Variants in ATF6 observed in about 807,000 individuals in gnomAD.
The protein encoded by ATF6 is activating transcription factor 6.
In ATF6, 53 loss-of-function variants were observed where a neutral mutation model predicts 83.6. That is an observed-to-expected ratio of 0.63 (90% CI 0.51 to 0.80). ATF6 has a LOEUF of 0.80. ATF6 is among the 30% of genes least tolerant of loss of function. ATF6 has a pLI of 0.00. For missense variants in ATF6, 744 were observed against 797.9 expected, an observed-to-expected ratio of 0.93 and a Z score of 0.81; for synonymous variants, 288 against 285.8, an observed-to-expected ratio of 1.01 and a Z score of -0.08.
intron 7 of ATF6, among the ~76,000 whole-genome samples, chr1:161,813,367 G>A (rs767090040): frequency 2.0e-5 from 3 of 152,074 alleles, no homozygotes; most frequent in Admixed American, 6.5e-5. Context: ...GTGCTATGTC[G>A]TTGTGCCAAT....
At chr1:161,802,000 C>G in intron 6 of ATF6, 52 bp from the exon 7 acceptor site, 1 of 1,575,652 alleles carries the variant, frequency 6.3e-7, no homozygotes, top group Non-Finnish European at 8.7e-7. Context: ...AGCTGCTTCC[C>G]CTGCCACAGT....
At chr1:161,824,866 G>A (rs893060168) in intron 9 of ATF6, among the ~76,000 whole-genome samples, 8 of 152,110 alleles carry the variant, frequency 5.3e-5, no homozygotes, top group African/African-American at 1.7e-4. Context: ...GTACAGTCTA[G>A]TAAGAGAATC....
chr1:161,835,987 C>T (rs1686203220), intron 9 of ATF6, among the ~76,000 whole-genome samples: 1 of 152,174 alleles, frequency 6.6e-6, no homozygotes. Context: ...CTCACTAGGT[C>T]TGGAATCTTT....
chr1:161,770,517 A>C (rs1465344333), intron 1 of ATF6, among the ~76,000 whole-genome samples: 1 of 152,166 alleles, frequency 6.6e-6, no homozygotes, highest in Non-Finnish European at 1.5e-5. Flanking sequence ...TTGTGTCCTC[A>C]CATGGCACTG....
At chr1:161,893,144 G>A (rs1687593636) in intron 14 of ATF6, among the ~76,000 whole-genome samples, 1 of 151,904 alleles carries the variant, frequency 6.6e-6, no homozygotes, top group Admixed American at 6.6e-5. Flanking sequence ...CTGGTTTAGC[G>A]GAAACTTTAT....
At chr1:161,862,575 T>C (rs1027985650) in intron 13 of ATF6, among the ~76,000 whole-genome samples, 3 of 151,838 alleles carry the variant, frequency 2.0e-5, no homozygotes, top group African/African-American at 7.3e-5. Flanking sequence ...GTGACTCCTA[T>C]GGGACAGGAT....
intron 15 of ATF6, among the ~76,000 whole-genome samples, chr1:161,942,003 T>G (rs958054768): frequency 4.7e-4 from 72 of 152,152 alleles, no homozygotes; most frequent in Non-Finnish European, 1.6e-4. Context: ...GTTTGTTTGT[T>G]TTTTGCACTA....
intron 14 of ATF6, among the ~76,000 whole-genome samples, chr1:161,894,227 GTTTTTT>G (rs11304307): frequency 1.6e-5 from 2 of 124,026 alleles, no homozygotes; most frequent in Admixed American, 1.6e-4. Context: ...TTGAGCAGGT[GTTTTTT>G]TTTTTTTTTT....
intron 14 of ATF6, among the ~76,000 whole-genome samples, chr1:161,896,126 A>C (rs527830528): frequency 6.6e-6 from 1 of 152,298 alleles, no homozygotes; most frequent in Admixed American, 6.5e-5. Context: ...CGATAGATAG[A>C]TGTATTTGTC....
At chr1:161,925,045 A>T (rs1378111122) in intron 15 of ATF6, among the ~76,000 whole-genome samples, 1 of 152,218 alleles carries the variant, frequency 6.6e-6, no homozygotes, top group African/African-American at 2.4e-5. Context: ...ACAGGATTAT[A>T]TATAAATATA....
intron 15 of ATF6, among the ~76,000 whole-genome samples, chr1:161,934,921 A>G (rs1199070953): frequency 6.6e-6 from 1 of 152,156 alleles, no homozygotes; most frequent in Non-Finnish European, 1.5e-5. Flanking sequence ...CCAAAACAGA[A>G]TTACTTCTCT....
chr1:161,865,603 C>G (rs1686980045), intron 14 of ATF6, among the ~76,000 whole-genome samples: 1 of 152,108 alleles, frequency 6.6e-6, no homozygotes, highest in Non-Finnish European at 1.5e-5. Context: ...TTATTGATTT[C>G]CACTCCTCCC....
chr1:161,868,166 T>A (rs1687048566), intron 14 of ATF6, among the ~76,000 whole-genome samples: 1 of 152,216 alleles, frequency 6.6e-6, no homozygotes, highest in Non-Finnish European at 1.5e-5. Context: ...CTTTAGTCTT[T>A]TTTTTACACT....
At chr1:161,791,084 C>CTGTG (rs1186497785) in intron 4 of ATF6, among the ~76,000 whole-genome samples, 13 of 67,680 alleles carry the variant, frequency 1.9e-4, no homozygotes, top group African/African-American at 1.9e-4. Context: ...GTGTGTGTGT[C>CTGTG]TCTGTGTGTG....
intron 7 of ATF6, among the ~76,000 whole-genome samples, chr1:161,808,662 A>G (rs1014540927): frequency 6.6e-6 from 1 of 151,832 alleles, no homozygotes; most frequent in African/African-American, 2.4e-5. Flanking sequence ...TGCCTTAAAT[A>G]TCTGGGCTTA....
chr1:161,784,548 A>G (rs1243679229), intron 4 of ATF6, among the ~76,000 whole-genome samples: 2 of 152,164 alleles, frequency 1.3e-5, no homozygotes, highest in African/African-American at 4.8e-5. Flanking sequence ...TCACGTTTTT[A>G]TAGAAGTCTG....
rs1420094165 is a variant in ATF6, at chr1:161,782,098, T to C, written c.247+99T>C. 6 of 770,984 alleles carry C rather than the reference T, an allele frequency of 7.8e-6. No homozygotes were observed. The East Asian group carries it at 1.1e-4, about 14-fold the overall frequency. The allele number at this position is 770,984 out of a possible 1,614,324, so 47.8% of individuals were successfully genotyped here. A position where few individuals can be genotyped will look rare whatever the true frequency, so the allele number is the denominator to read the frequency against. ...AGGTGGGGTTATTGGGCTATTCTGG[T>C]AGGTTAAAAGATTCCTGGTGTTATG... is the stretch of plus-strand genomic sequence containing the variant. On this transcript the variant is annotated intron_variant, in intron 3 of 15. Coordinates refer to ENST00000367942, the MANE Select transcript of ATF6 (RefSeq NM_007348.4).
chr1:161,917,420 C>T (rs1050130589), intron 15 of ATF6, among the ~76,000 whole-genome samples: 6 of 94,052 alleles, frequency 6.4e-5, no homozygotes, highest in Admixed American at 4.9e-4. Flanking sequence ...ATTTTATACA[C>T]AATTTTTTTT....
intron 14 of ATF6, among the ~76,000 whole-genome samples, chr1:161,883,104 T>G (rs1004782964): frequency 2.0e-5 from 3 of 152,014 alleles, no homozygotes; most frequent in African/African-American, 7.2e-5. Flanking sequence ...TTGGCATGTT[T>G]CGAAAGAGTG....
Sources: gnomAD v4.1 joint callset for allele counts (sites outside exome capture counted in the v4.1 genomes callset) on GRCh38, gnomAD v4.1.1 for gene constraint, MANE v1.5 for transcripts, NCBI Gene and HGNC (gene_info 2026-07-23, HGNC 2026-07-21) for gene names.